Variants in KCNJ15 observed in about 807,000 individuals in gnomAD.
The protein encoded by KCNJ15 is potassium inwardly rectifying channel subfamily J member 15, also known as ATP-sensitive inward rectifier potassium channel 15.
A neutral mutation model predicts 23.0 loss-of-function variants in KCNJ15; 14 were observed. That is an observed-to-expected ratio of 0.61 (90% CI 0.40 to 0.95). The LOEUF is 0.95. Among genes scored for constraint, KCNJ15 ranks in the 40% least tolerant of loss-of-function variants. The pLI, the probability that KCNJ15 is intolerant of heterozygous loss-of-function variation, is 0.00. For missense variants in KCNJ15, 388 were observed against 461.8 expected (o/e 0.84, Z 1.46); for synonymous variants, 185 against 183.2 (o/e 1.01, Z -0.08).
chr21:38,231,331 T>C (rs930918343), intron 1 of KCNJ15, among the ~76,000 whole-genome samples: 1 of 151,988 alleles, frequency 6.6e-6, no homozygotes, highest in East Asian at 1.9e-4. Flanking sequence ...TTTATTCTAA[T>C]TATTAATAGT....
At chr21:38,249,835 C>A (rs1979704091) in intron 1 of KCNJ15, among the ~76,000 whole-genome samples, 2 of 152,178 alleles carry the variant, frequency 1.3e-5, no homozygotes, top group Admixed American at 1.3e-4. Flanking sequence ...ATTTGATAAG[C>A]TGAAGTGCAA....
intron 1 of KCNJ15, among the ~76,000 whole-genome samples, chr21:38,287,714 T>A (rs1382215985): frequency 6.6e-6 from 1 of 152,220 alleles, no homozygotes; most frequent in African/African-American, 2.4e-5. Context: ...GGTTAGAATG[T>A]GTTTTCTTAC....
chr21:38,230,268 C>T (rs1362214399), intron 1 of KCNJ15, among the ~76,000 whole-genome samples: 1 of 152,088 alleles, frequency 6.6e-6, no homozygotes, highest in Non-Finnish European at 1.5e-5. Flanking sequence ...TTGCATTTCC[C>T]TAGTGGCTAA....
chr21:38,280,171 C>G (rs1983167611), intron 1 of KCNJ15, among the ~76,000 whole-genome samples: 1 of 152,174 alleles, frequency 6.6e-6, no homozygotes. Flanking sequence ...AAGCACCTGT[C>G]TAACTTAACC....
chr21:38,270,341 T>C (rs934760879), intron 1 of KCNJ15, among the ~76,000 whole-genome samples: 3 of 152,144 alleles, frequency 2.0e-5, no homozygotes, highest in African/African-American at 7.2e-5. Flanking sequence ...TAGAATCAGC[T>C]CCCTTTTGCA....
chr21:38,250,930 C>A (rs1410758569), intron 1 of KCNJ15, among the ~76,000 whole-genome samples: 1 of 152,110 alleles, frequency 6.6e-6, no homozygotes. Context: ...GTAGGTAAGA[C>A]GTGTCTGGCC....
intron 1 of KCNJ15, among the ~76,000 whole-genome samples, chr21:38,294,738 A>G (rs945450861): frequency 6.6e-6 from 1 of 152,160 alleles, no homozygotes; most frequent in Admixed American, 6.5e-5. Flanking sequence ...ACCTTTTTCA[A>G]TGTGCCTTCT....
chr21:38,235,944 T>A (rs1454216684), intron 1 of KCNJ15, among the ~76,000 whole-genome samples: 1 of 152,190 alleles, frequency 6.6e-6, no homozygotes, highest in East Asian at 1.9e-4. Flanking sequence ...ATTAGAAATG[T>A]TTTTTTCCAG....
Position 38,303,991 on chromosome 21 carries a change from C to T in KCNJ15, c.*3602C>T, listed in dbSNP as rs1374527164. ...TTGACCACATGGCACAGTGAATACT[C>T]TCACGCTCTCAATTTTGGCTTTCAT... On this transcript the variant is annotated 3_prime_UTR_variant, in exon 3 of 3. Coordinates refer to ENST00000398938, the MANE Select transcript of KCNJ15 (RefSeq NM_170736.3). 1 of 151,780 alleles carries T rather than the reference C, an allele frequency of 6.6e-6. No homozygotes were observed. Among genetic ancestry groups the T allele is most frequent in the Non-Finnish European group, 1.5e-5 (1 of 67,996 alleles). The allele number at this position is 151,780 out of a possible 1,614,324, so 9.4% of individuals were successfully genotyped here.
At chr21:38,276,728 A>G (rs1346299921) in intron 1 of KCNJ15, among the ~76,000 whole-genome samples, 1 of 152,180 alleles carries the variant, frequency 6.6e-6, no homozygotes, top group East Asian at 1.9e-4. Context: ...AAGTTTAAAA[A>G]ATTATATTTT....
chr21:38,303,267 A>G lies in KCNJ15; in HGVS notation c.*2878A>G, dbSNP rs1428023969. The G allele has an allele frequency of 6.6e-6, 1 of 151,364 alleles. No individual in the cohort carries two copies. The highest frequency in any genetic ancestry group is 1.5e-5 in the Non-Finnish European group (1 of 67,888). 9.4% of individuals were successfully genotyped at this position (151,364 alleles called of 1,614,324 possible). On this transcript the variant is annotated 3_prime_UTR_variant, in exon 3 of 3. Transcript: ENST00000398938. ...GGTCTTCTGCTTGAAACAGATTCACACTCAACACCCAACTAAGGAGGAGCC... is the reference window on the plus strand; with the variant it reads ...GGTCTTCTGCTTGAAACAGATTCACGCTCAACACCCAACTAAGGAGGAGCC...
At chr21:38,298,657 C>A (rs191810313) in intron 2 of KCNJ15, among the ~76,000 whole-genome samples, 211 of 152,298 alleles carry the variant, frequency 1.4e-3, no homozygotes, top group Middle Eastern at 3.4e-3. Flanking sequence ...AAATGCATTA[C>A]TACTGAGTTT....
upstream of KCNJ15, among the ~76,000 whole-genome samples, chr21:38,255,594 T>A (rs1980149586): frequency 1.3e-5 from 2 of 152,154 alleles, no homozygotes; most frequent in African/African-American, 4.8e-5. Context: ...AGAAGGAGAC[T>A]GAGGCATACC....
chr21:38,297,826 G>A (rs185451645), intron 2 of KCNJ15, among the ~76,000 whole-genome samples: 29 of 152,150 alleles, frequency 1.9e-4, no homozygotes, highest in Admixed American at 1.8e-3. Context: ...CAATTACAAG[G>A]GGGCATTTAG....
chr21:38,249,327 A>G (rs1268177247), intron 1 of KCNJ15, among the ~76,000 whole-genome samples: 3 of 152,208 alleles, frequency 2.0e-5, no homozygotes, highest in African/African-American at 7.2e-5. Flanking sequence ...TATGTTATTT[A>G]CTGATTGATA....
Position 38,299,269 on chromosome 21 carries a change from C to G in KCNJ15, c.8C>G (p.Ala3Gly). ...TGTTTCCAGAGCCTGGCAATGGATG[C>G]CATTCACATCGGCATGTCCAGCACC... MD[A>G]IHIGMSSTPL... The change falls in exon 3 of 3, where the codon GCC becomes GGC. Residue 3 changes from alanine to glycine, a missense_variant. Ala to Gly is a moderately conservative substitution (Grantham distance 60, BLOSUM62 0). Coordinates refer to ENST00000398938, the MANE Select transcript of KCNJ15 (RefSeq NM_170736.3). The surrounding 1 kb of genome is among the most constrained non-coding windows in gnomAD (Gnocchi z 4.5). 1.9e-6 allele frequency: 3 copies of G among 1,610,338 alleles called. No individual in the cohort carries two copies. Among genetic ancestry groups the G allele is most frequent in the Non-Finnish European group, 2.5e-6 (3 of 1,177,408 alleles).
intron 1 of KCNJ15, among the ~76,000 whole-genome samples, chr21:38,268,303 C>T (rs907936628): frequency 1.1e-4 from 17 of 152,046 alleles, no homozygotes; most frequent in African/African-American, 4.1e-4. Flanking sequence ...TTCTAACCTA[C>T]CTACAGTTTC....
chr21:38,289,694 C>A (rs1167297360), intron 1 of KCNJ15, among the ~76,000 whole-genome samples: 1 of 152,140 alleles, frequency 6.6e-6, no homozygotes, highest in African/African-American at 2.4e-5. Flanking sequence ...GATTGTGCCA[C>A]TCCACTCCAG....
chr21:38,288,433 G>T (rs530250853), intron 1 of KCNJ15, among the ~76,000 whole-genome samples: 2 of 152,088 alleles, frequency 1.3e-5, no homozygotes, highest in Non-Finnish European at 2.9e-5. Flanking sequence ...ATGAAGATAA[G>T]AATTTTACCT....
Sources: gnomAD v4.1 joint callset for allele counts (sites outside exome capture counted in the v4.1 genomes callset) on GRCh38, gnomAD v4.1.1 for gene constraint, Gnocchi (gnomAD v3.1) non-coding constraint, MANE v1.5 for transcripts, NCBI Gene and HGNC (gene_info 2026-07-23, HGNC 2026-07-21) for gene names.